Variants in ABCA13 observed in about 807,000 individuals in gnomAD.
The protein encoded by ABCA13 is ATP-binding cassette sub-family A member 13.
ABCA13 carries 476 observed loss-of-function variants against 478.7 expected under a neutral mutation model. The observed-to-expected ratio is 0.99, with a 90% confidence interval of 0.92 to 1.07. ABCA13 has a LOEUF of 1.07. Among genes scored for constraint, ABCA13 ranks in the 50% least tolerant of loss-of-function variants. The pLI, the probability that ABCA13 is intolerant of heterozygous loss-of-function variation, is 0.00. For synonymous variants in ABCA13, 2,252 were observed against 2,158.9 expected (o/e 1.04, Z -1.20); for missense variants, 6,060 against 5,910.6 (o/e 1.03, Z -0.83).
chr7:48,574,780 CAAACA>C (rs1788011137), intron 55 of ABCA13, among the ~76,000 whole-genome samples: 2 of 152,136 alleles, frequency 1.3e-5, no homozygotes, highest in South Asian at 4.1e-4. Context: ...CGAGGAAAAA[CAAACA>C]AAACACATGT....
Position 48,483,058 on chromosome 7 carries a change from A to G in ABCA13, c.13095-18A>G, listed in dbSNP as rs1214422257. 1.9e-6 allele frequency: 3 copies of G among 1,601,934 alleles called. No individual in the cohort carries two copies. Among genetic ancestry groups the G allele is most frequent in the South Asian group, 2.3e-5 (2 of 88,484 alleles). ...TGCTCTGTGGTTGAAGCACTAACAC[A>G]ATGTTCATTGTTAACAGGCTTGGAG... On this transcript the variant is annotated intron_variant, in intron 46 of 61. Coordinates refer to ENST00000435803, the MANE Select transcript of ABCA13 (RefSeq NM_152701.5).
chr7:48,500,974 C>T (rs1203306081), intron 48 of ABCA13, among the ~76,000 whole-genome samples: 7 of 152,284 alleles, frequency 4.6e-5, no homozygotes, highest in African/African-American at 1.4e-4. Flanking sequence ...AGAAAAGATG[C>T]GTGTTGAATG....
intron 6 of ABCA13, 134 bp downstream of exon 6, chr7:48,227,559 G>A: frequency 9.4e-7 from 1 of 1,060,476 alleles, no homozygotes; most frequent in Non-Finnish European, 1.4e-6. Flanking sequence ...AACAAGAGGA[G>A]CTTCTGCACC....
intron 51 of ABCA13, among the ~76,000 whole-genome samples, chr7:48,514,447 G>A (rs149168805): frequency 2.7e-3 from 406 of 152,278 alleles, no homozygotes; most frequent in African/African-American, 9.4e-3. Context: ...AATTTGTCAC[G>A]TGCTGTTCCA....
At position 48,289,837 on chromosome 7, in the gene ABCA13, CTT is replaced by C. The variant is rs940753120; in HGVS notation, c.8955+1761_8955+1762del. Among the ~76,000 whole-genome samples, 43 of 152,158 alleles carry C rather than the reference CTT, an allele frequency of 2.8e-4. 2 individuals are homozygous for C. The highest frequency in any genetic ancestry group is 9.9e-4 in the African/African-American group (41 of 41,434). ...TTTGATAAAGAGCAGAAGTTCCTGT[CTT>C]TAATGACAAAAATAGTATGTTGCTT... On this transcript the variant is annotated intron_variant, in intron 20 of 61. Transcript: ENST00000435803.
intron 38 of ABCA13, among the ~76,000 whole-genome samples, chr7:48,402,253 C>T (rs76629816): frequency 2.6e-5 from 4 of 152,172 alleles, no homozygotes; most frequent in African/African-American, 4.8e-5. Context: ...AGAACATGCA[C>T]GTTTGAGAAC....
chr7:48,410,793 G>C (rs1818909951), intron 40 of ABCA13, 116 bp downstream of exon 40: 3 of 1,394,178 alleles, frequency 2.2e-6, no homozygotes, highest in Non-Finnish European at 2.9e-6. Flanking sequence ...TGTGCACAAT[G>C]GCCCACATGC....
intron 27 of ABCA13, among the ~76,000 whole-genome samples, chr7:48,322,985 G>C (rs1803723963): frequency 6.6e-6 from 1 of 152,096 alleles, no homozygotes; most frequent in Admixed American, 6.5e-5. Flanking sequence ...CTCAGTACGA[G>C]GGCTGTGATT....
intron 31 of ABCA13, among the ~76,000 whole-genome samples, chr7:48,366,879 A>G (rs1345253126): frequency 2.6e-5 from 4 of 152,232 alleles, no homozygotes; most frequent in Middle Eastern, 3.4e-3. Context: ...CTCTGTGTTT[A>G]TTGGATTATT....
chr7:48,571,060 A>G (rs1407598846), intron 55 of ABCA13, among the ~76,000 whole-genome samples: 1 of 152,170 alleles, frequency 6.6e-6, no homozygotes, highest in African/African-American at 2.4e-5. Flanking sequence ...ACTTAATTTC[A>G]ATAGTTTATA....
intron 43 of ABCA13, among the ~76,000 whole-genome samples, chr7:48,460,606 C>T (rs950492005): frequency 3.3e-5 from 5 of 152,202 alleles, no homozygotes; most frequent in African/African-American, 7.2e-5. Context: ...AATAAGATCA[C>T]TTTCTGAGGT....
At chr7:48,566,100 A>T (rs915566394) in intron 55 of ABCA13, among the ~76,000 whole-genome samples, 1 of 152,136 alleles carries the variant, frequency 6.6e-6, no homozygotes, top group Non-Finnish European at 1.5e-5. Context: ...ACTCTCATTG[A>T]CCTACTTTCA....
rs1156643955 is a variant in ABCA13 at position 48,637,381 on chromosome 7, CAAAAAAAAAAA to C, written c.14838-5892_14838-5882del. 3.5e-4 allele frequency among the ~76,000 whole-genome samples: 7 copies of C among 20,260 alleles called. No individual in the cohort carries two copies. In the East Asian group the frequency reaches 6.9e-3, roughly 20 times the overall value. 13.3% of individuals were successfully genotyped at this position (20,260 alleles called of 152,430 possible). On this transcript the variant is annotated intron_variant, in intron 59 of 61. Coordinates refer to ENST00000435803, the MANE Select transcript of ABCA13 (RefSeq NM_152701.5). ...TGTTTTCTTTATTATGTTCATAAAG[CAAAAAAAAAAA>C]AAAAAAAAAAAAAACAGAGAGAGAA...
chr7:48,209,115 A>G (rs183517800), intron 3 of ABCA13, among the ~76,000 whole-genome samples: 34 of 152,226 alleles, frequency 2.2e-4, no homozygotes, highest in African/African-American at 7.7e-4. Context: ...ATTAATTTGC[A>G]TATGTTAAAT....
Position 48,489,233 on chromosome 7 carries a change from T to A in ABCA13, c.13183-3T>A. On this transcript the variant is annotated splice_polypyrimidine_tract_variant and splice_region_variant and intron_variant, in intron 47 of 61. Transcript: ENST00000435803. ...AGCCATTAAATTATCTTTCTTTTTT[T>A]AGGTGTGGTATAATCAGAAGGGTTT... 1 of 1,600,686 alleles carries A rather than the reference T, an allele frequency of 6.2e-7. No individual in the cohort carries two copies.
chr7:48,284,926 ATC>A (rs1395319892), intron 19 of ABCA13, among the ~76,000 whole-genome samples: 2 of 152,048 alleles, frequency 1.3e-5, no homozygotes, highest in Non-Finnish European at 2.9e-5. Flanking sequence ...CAAGAATAAG[ATC>A]TGTTATTATT....
chr7:48,587,352 T>C (rs781673830), intron 57 of ABCA13, 64 bp downstream of exon 57: 39 of 1,457,648 alleles, frequency 2.7e-5, no homozygotes, highest in Non-Finnish European at 3.6e-5. Flanking sequence ...TATAAACTGA[T>C]TTTAAGGGTT....
chr7:48,476,148 T>A (rs926873044), intron 45 of ABCA13, among the ~76,000 whole-genome samples: 3 of 152,186 alleles, frequency 2.0e-5, no homozygotes, highest in Admixed American at 6.5e-5. Context: ...GAAATTAAGG[T>A]GTCTGAAGAC....
At chr7:48,230,019 T>A in intron 7 of ABCA13, 64 bp downstream of exon 7, 1 of 1,519,318 alleles carries the variant, frequency 6.6e-7, no homozygotes, top group Non-Finnish European at 8.9e-7. Context: ...TCATTGACAG[T>A]TGACATAGAG....
Sources: gnomAD v4.1 joint callset for allele counts (sites outside exome capture counted in the v4.1 genomes callset) on GRCh38, gnomAD v4.1.1 for gene constraint, MANE v1.5 for transcripts, NCBI Gene and HGNC (gene_info 2026-07-23, HGNC 2026-07-21) for gene names.